TRIP11: variants seen among roughly 807,000 people sequenced by gnomAD.
The protein encoded by TRIP11 is thyroid receptor-interacting protein 11.
TRIP11 carries 148 observed loss-of-function variants against 223.1 expected under a neutral mutation model. The ratio of observed to expected loss-of-function variants is 0.66; its 90% CI spans 0.58 to 0.76. TRIP11 has a LOEUF of 0.76. Among genes scored for constraint, TRIP11 ranks in the 30% least tolerant of loss-of-function variants. The pLI, the probability that TRIP11 is intolerant of heterozygous loss-of-function variation, is 0.00. For synonymous variants in TRIP11, 762 were observed against 772.6 expected, an observed-to-expected ratio of 0.99 and a Z score of 0.23; for missense variants, 2,043 against 2,222.0, an observed-to-expected ratio of 0.92 and a Z score of 1.62.
In TRIP11 at chr14:91,999,349, A is replaced by G. The variant is rs1355067535; in HGVS notation, c.4783T>C (p.Tyr1595His). The change falls in exon 13 of 21, where the codon TAT becomes CAT. Residue 1595 changes from tyrosine to histidine, a missense_variant. By Grantham distance (83) the Tyr-to-His change is moderately conservative (BLOSUM62 2). Coordinates refer to ENST00000267622, the MANE Select transcript of TRIP11 (RefSeq NM_004239.4). ...TCTGCAGCCAAAGCTTCACGGGTATAAGAATCTTCTGATTCTAAAAGATGA... is the reference window on the plus strand; with the variant it reads ...TCTGCAGCCAAAGCTTCACGGGTATGAGAATCTTCTGATTCTAAAAGATGA... The part of the protein sequence containing the change: ...RNHLLESEDS[Y>H]TREALAAEDR... 1 of 1,613,918 alleles carries G rather than the reference A, an allele frequency of 6.2e-7. No homozygotes were observed. Among genetic ancestry groups the G allele is most frequent in the Admixed American group, 1.7e-5 (1 of 60,016 alleles).
At chr14:92,016,985 A>T (rs1284092111) in intron 5 of TRIP11, among the ~76,000 whole-genome samples, 2 of 152,206 alleles carry the variant, frequency 1.3e-5, no homozygotes, top group African/African-American at 4.8e-5. Context: ...GACACAAACT[A>T]GCGAAATTCT....
At chr14:92,032,175 T>C (rs556493154) in intron 2 of TRIP11, among the ~76,000 whole-genome samples, 27 of 151,742 alleles carry the variant, frequency 1.8e-4, no homozygotes, top group Admixed American at 5.3e-4. Flanking sequence ...TTGGATGGAG[T>C]TTTTCTCTGT....
intron 18 of TRIP11, 44 bp downstream of exon 18, chr14:91,975,128 T>A: frequency 2.0e-6 from 3 of 1,520,498 alleles, no homozygotes; most frequent in Non-Finnish European, 2.7e-6. Context: ...AAAGCCACTA[T>A]CTGGATTATG....
At position 91,990,514 on chromosome 14, in the gene TRIP11, GGCTGGGT is replaced by G. The variant is rs2056658167; in HGVS notation, c.5161-2138_5161-2132del. Among the ~76,000 whole-genome samples the G allele has an allele frequency of 3.9e-5, 6 of 152,128 alleles. No individual in the cohort carries two copies. In the South Asian group the frequency reaches 1.2e-3, roughly 32 times the overall value. ...TAAAACTAGTTTTAAAAGAAGATTT[GGCTGGGT>G]GCTGTGACACATGCCTATAGTCCCA... On this transcript the variant is annotated intron_variant, in intron 15 of 20. Transcript: ENST00000267622.
At chr14:91,992,212 G>A (rs1235962732) in intron 15 of TRIP11, among the ~76,000 whole-genome samples, 6 of 150,344 alleles carry the variant, frequency 4.0e-5, no homozygotes, top group Non-Finnish European at 8.9e-5. Flanking sequence ...TCAAACCTAT[G>A]TGATAAGAAC....
intron 9 of TRIP11, among the ~76,000 whole-genome samples, chr14:92,009,326 C>A (rs2140123380): frequency 6.6e-6 from 1 of 152,316 alleles, no homozygotes; most frequent in South Asian, 2.1e-4. Flanking sequence ...AGCCACCACA[C>A]TCGGCCCTCA....
At chr14:91,970,400 CA>C (rs1280648835) in intron 20 of TRIP11, among the ~76,000 whole-genome samples, 1 of 150,960 alleles carries the variant, frequency 6.6e-6, no homozygotes, top group Non-Finnish European at 1.5e-5. Context: ...GTGGCAAGAG[CA>C]AAGCTCCATC....
In TRIP11 at chr14:92,022,843, C is replaced by A. The variant is rs188671623; in HGVS notation, c.313-1012G>T. Among the ~76,000 whole-genome samples, 13 of 152,160 alleles carry A rather than the reference C, an allele frequency of 8.5e-5. No individual in the cohort carries two copies. The East Asian group carries it at 2.5e-3, about 29-fold the overall frequency. On this transcript the variant is annotated intron_variant, in intron 3 of 20. Transcript: ENST00000267622. ...CAAACAAGTTTTTCATATTGGAGCCCCTTCTCAAATGGAAATTTATAGTAC... is the reference window on the plus strand; with the variant it reads ...CAAACAAGTTTTTCATATTGGAGCCACTTCTCAAATGGAAATTTATAGTAC...
intron 13 of TRIP11, among the ~76,000 whole-genome samples, chr14:91,997,625 C>G: frequency 6.6e-6 from 1 of 151,896 alleles, no homozygotes; most frequent in Non-Finnish European, 1.5e-5. Context: ...CAGGTTCACC[C>G]TTCAGGCAGA....
At chr14:92,019,883 T>A (rs911888364) in intron 4 of TRIP11, among the ~76,000 whole-genome samples, 1 of 152,180 alleles carries the variant, frequency 6.6e-6, no homozygotes, top group East Asian at 1.9e-4. Context: ...CAAGTACCTA[T>A]GGGTATAAAG....
Position 91,967,811 on chromosome 14 carries a change from GAT to G in TRIP11, c.*1860_*1861del, listed in dbSNP as rs2056355406. ...CAATGGCAAGCAGCAAATAATGTAG[GAT>G]AGTCAGTGAAAGTATCTTTGTTAGG... On this transcript the variant is annotated 3_prime_UTR_variant, in exon 21 of 21. Coordinates refer to ENST00000267622, the MANE Select transcript of TRIP11 (RefSeq NM_004239.4). The G allele has an allele frequency of 1.0e-5, 2 of 196,484 alleles. No homozygotes were observed. Among genetic ancestry groups the G allele is most frequent in the Non-Finnish European group, 2.1e-5 (2 of 94,778 alleles). 12.2% of individuals were successfully genotyped at this position (196,484 alleles called of 1,614,324 possible). A position where few individuals can be genotyped will look rare whatever the true frequency, so the allele number is the denominator to read the frequency against.
At chr14:91,970,146 C>G (rs563904228) in intron 20 of TRIP11, among the ~76,000 whole-genome samples, 1 of 152,278 alleles carries the variant, frequency 6.6e-6, no homozygotes, top group South Asian at 2.1e-4. Flanking sequence ...GTGGCTCATG[C>G]CTGTAACCCC....
intron 14 of TRIP11, 50 bp downstream of exon 14, chr14:91,995,302 T>A: frequency 6.2e-7 from 1 of 1,609,086 alleles, no homozygotes; most frequent in Non-Finnish European, 8.5e-7. Flanking sequence ...TAGGCAAAAT[T>A]ACCAATAACT....
chr14:92,020,251 CAA>C (rs573852798), intron 4 of TRIP11, among the ~76,000 whole-genome samples: 3 of 137,360 alleles, frequency 2.2e-5, no homozygotes, highest in African/African-American at 2.7e-5. Flanking sequence ...GACTCTCTCT[CAA>C]AAAAAAAAAG....
In TRIP11 at chr14:92,006,356, T is replaced by C. The variant is rs777050147; in HGVS notation, c.1620A>G (p.Lys540=). ...CATCTTCAAGTTGATGAACTCTCTT[T>C]TTTTCATCATTTAGATCTTGTTTCA... ...SKLKQDLNDE[K]KRVHQLEDDK... The change falls in exon 11 of 21, where the codon AAA becomes AAG. Residue 540 remains lysine (K), a synonymous_variant. Coordinates refer to ENST00000267622, the MANE Select transcript of TRIP11 (RefSeq NM_004239.4). 1.9e-6 allele frequency: 3 copies of C among 1,612,292 alleles called. No homozygotes were observed. The highest frequency in any genetic ancestry group is 1.7e-5 in the Admixed American group (1 of 59,872).
chr14:92,027,960 C>T (rs180711657), intron 2 of TRIP11, among the ~76,000 whole-genome samples: 4 of 152,176 alleles, frequency 2.6e-5, no homozygotes, highest in Non-Finnish European at 4.4e-5. Context: ...CCTTAATTAT[C>T]CTGAAGAACT....
At chr14:92,028,890 T>C (rs1427984299) in intron 2 of TRIP11, among the ~76,000 whole-genome samples, 7 of 152,206 alleles carry the variant, frequency 4.6e-5, no homozygotes, top group African/African-American at 1.7e-4. Flanking sequence ...TCCACTGAAA[T>C]CAACTTAATT....
At chr14:92,008,885 T>G (rs933474750) in intron 9 of TRIP11, among the ~76,000 whole-genome samples, 3 of 151,892 alleles carry the variant, frequency 2.0e-5, no homozygotes, top group Non-Finnish European at 4.4e-5. Flanking sequence ...CTCTAAAAAA[T>G]AAAATTAAAA....
In TRIP11 at chr14:92,017,717, G is replaced by T; in HGVS notation, c.622C>A (p.Gln208Lys). Residue 208 changes from glutamine (Q) to lysine (K), a missense_variant, in exon 5 of 21, where the codon CAA becomes AAA. Coordinates refer to ENST00000267622, the MANE Select transcript of TRIP11 (RefSeq NM_004239.4). ...TTTTGTAGTTTACATATTTCACTTTGATCAGAGTTATCTGTTCCTTGTGCT... is the reference window on the plus strand; with the variant it reads ...TTTTGTAGTTTACATATTTCACTTTTATCAGAGTTATCTGTTCCTTGTGCT... The part of the protein sequence containing the change: ...SKAQGTDNSD[Q>K]SEICKLQNII... 1 of 1,612,716 alleles carries T rather than the reference G, an allele frequency of 6.2e-7. No individual in the cohort carries two copies. The highest frequency in any genetic ancestry group is 1.1e-5 in the South Asian group (1 of 90,972).
Sources: gnomAD v4.1 joint callset for allele counts (sites outside exome capture counted in the v4.1 genomes callset) on GRCh38, gnomAD v4.1.1 for gene constraint, MANE v1.5 for transcripts, NCBI Gene and HGNC (gene_info 2026-07-23, HGNC 2026-07-21) for gene names.